Variants in RNASEL observed in about 807,000 individuals in gnomAD.
RNASEL encodes the protein ribonuclease L.
In RNASEL, 36 loss-of-function variants were observed where a neutral mutation model predicts 50.9. That is an observed-to-expected ratio of 0.71 (90% CI 0.54 to 0.93). RNASEL has a LOEUF of 0.93. Ranked by LOEUF, RNASEL falls within the 40% of genes least tolerant of loss-of-function variation. The pLI, the probability that RNASEL is intolerant of heterozygous loss-of-function variation, is 0.00. For missense variants in RNASEL, 860 were observed against 894.5 expected (o/e 0.96, Z 0.49); for synonymous variants, 335 against 335.6 (o/e 1.00, Z 0.02).
rs566890251 is a variant in RNASEL, at chr1:182,574,204, C to A, written c.*1188G>T. 1 of 224,634 alleles carries A rather than the reference C, an allele frequency of 4.5e-6. No individual in the cohort carries two copies. The highest frequency in any genetic ancestry group is 8.9e-6 in the Non-Finnish European group (1 of 112,898). 13.9% of individuals were successfully genotyped at this position (224,634 alleles called of 1,614,324 possible). A position where few individuals can be genotyped will look rare whatever the true frequency, so the allele number is the denominator to read the frequency against. On this transcript the variant is annotated 3_prime_UTR_variant, in exon 7 of 7. Coordinates refer to ENST00000367559, the MANE Select transcript of RNASEL (RefSeq NM_021133.4). ...TTCAATGAATATTTATTAAACATTC[C>A]CACTTGGCAGACTTTTTGCTTGGCA...
At chr1:182,588,405 A>C (rs1390470392) in intron 1 of RNASEL, among the ~76,000 whole-genome samples, 1 of 152,202 alleles carries the variant, frequency 6.6e-6, no homozygotes, top group African/African-American at 2.4e-5. Context: ...AGAGCTAATT[A>C]TATCCCGTTA....
Position 182,586,537 on chromosome 1 carries a change from C to T in RNASEL, c.270G>A (p.Lys90=), listed in dbSNP as rs533900576. ...CGAGGATAAAAGGCGTGGCCCCATT[C>T]TTCTTCCTCAGAACAGGGTCAGCAC... ...RHGADPVLRK[K]NGATPFILAA... The change falls in exon 2 of 7, where the codon AAG becomes AAA. Residue 90 remains lysine (K), a synonymous_variant. Coordinates refer to ENST00000367559, the MANE Select transcript of RNASEL (RefSeq NM_021133.4). The T allele has an allele frequency of 4.7e-5, 75 of 1,608,730 alleles. No individual in the cohort carries two copies. The South Asian group carries it at 7.2e-4, about 15-fold the overall frequency.
At chr1:182,587,307 T>C (rs920339321) in intron 1 of RNASEL, among the ~76,000 whole-genome samples, 1 of 152,104 alleles carries the variant, frequency 6.6e-6, no homozygotes, top group Non-Finnish European at 1.5e-5. Flanking sequence ...TTGTAAAACA[T>C]TTTTCATGAC....
At chr1:182,588,501 A>G (rs1558479330) in intron 1 of RNASEL, among the ~76,000 whole-genome samples, 1 of 152,206 alleles carries the variant, frequency 6.6e-6, no homozygotes, top group Non-Finnish European at 1.5e-5. Flanking sequence ...GCAGCTATCA[A>G]TTTCGTCCAA....
chr1:182,586,017 T>G lies in RNASEL; in HGVS notation c.790A>C (p.Ile264Leu), dbSNP rs751408144. 10 of 1,614,094 alleles carry G rather than the reference T, an allele frequency of 6.2e-6. No individual in the cohort carries two copies. The highest frequency in any genetic ancestry group is 8.5e-6 in the Non-Finnish European group (10 of 1,180,020). The change falls in exon 2 of 7, where the codon ATA becomes CTA. Residue 264 changes from isoleucine to leucine, a missense_variant. Transcript: ENST00000367559. ...TCACTGTCTGTGTCATTAATCTCTA[T>G]GTGCTCTTGCTCCAGAAGCCTCTGC... ...LVQRLLEQEH[I>L]EINDTDSDGK...
intron 1 of RNASEL, among the ~76,000 whole-genome samples, chr1:182,587,335 T>C (rs1661620062): frequency 6.6e-6 from 1 of 152,096 alleles, no homozygotes; most frequent in Non-Finnish European, 1.5e-5. Flanking sequence ...TATGAAATCA[T>C]ACAGTTGTTT....
chr1:182,577,275 C>A (rs947750853), intron 5 of RNASEL, among the ~76,000 whole-genome samples: 3 of 151,832 alleles, frequency 2.0e-5, no homozygotes, highest in Admixed American at 1.3e-4. Flanking sequence ...CTGTATTTTC[C>A]AAGTAAATTG....
Position 182,585,542 on chromosome 1 carries a change from CCATA to C in RNASEL, c.1261_1264del (p.Tyr421GlyfsTer71), listed in dbSNP as rs1291917583. 6.2e-7 allele frequency: 1 copy of C among 1,614,172 alleles called. No individual in the cohort carries two copies. The highest frequency in any genetic ancestry group is 1.7e-5 in the Admixed American group (1 of 60,020). ...CAAGTGGCCCCTGTGGCTCTCACTC[CCATA>C]GAATGTCACCAAGTGACTGTTCTCT... On this transcript the variant is annotated frameshift_variant, in exon 2 of 7. Transcript: ENST00000367559. LOFTEE classifies it high-confidence loss of function.
At chr1:182,579,547 C>G (rs1661452390) in intron 5 of RNASEL, 1 of 1,131,924 alleles carries the variant, frequency 8.8e-7, no homozygotes, top group South Asian at 1.9e-5. Context: ...AGTCAAGAAC[C>G]AATACAGTCA....
At position 182,579,966 on chromosome 1, in the gene RNASEL, TG is replaced by T. The variant is rs1446534660; in HGVS notation, c.1905+1258del. ...CCTGGTGCACCCCTTACTGGTTCTGTGTAGTTGGAAAAATTATTTGTCTGTG... is the reference window on the plus strand; with the variant it reads ...CCTGGTGCACCCCTTACTGGTTCTGTTAGTTGGAAAAATTATTTGTCTGTG... On this transcript the variant is annotated intron_variant, in intron 5 of 6. Coordinates refer to ENST00000367559, the MANE Select transcript of RNASEL (RefSeq NM_021133.4). The T allele has an allele frequency of 8.8e-6, 4 of 457,132 alleles. No homozygotes were observed. In the East Asian group the frequency reaches 2.8e-4, roughly 32 times the overall value. 28.3% of individuals were successfully genotyped at this position (457,132 alleles called of 1,614,324 possible). A position where few individuals can be genotyped will look rare whatever the true frequency, so the allele number is the denominator to read the frequency against.
At chr1:182,576,150 A>G in intron 6 of RNASEL, 106 bp downstream of exon 6, 1 of 1,199,566 alleles carries the variant, frequency 8.3e-7, no homozygotes, top group Non-Finnish European at 1.2e-6. Flanking sequence ...CTTTTCTTTC[A>G]TCAAAATAAA....
rs551605499 is a variant in RNASEL, at chr1:182,585,576, T to C, written c.1231A>G (p.Ser411Gly). The change falls in exon 2 of 7, where the codon AGC (serine) becomes GGC (glycine). Residue 411 changes from serine to glycine, a missense_variant. Physicochemically the swap from Ser to Gly is moderately conservative, Grantham distance 56 (BLOSUM62 0). Transcript: ENST00000367559. Reference protein sequence around the residue: ...AQREVSCLQSSRENSHLVTFY... With the variant: ...AQREVSCLQSGRENSHLVTFY... ...GTCACCAAGTGACTGTTCTCTCGGC[T>C]GCTTTGCAGACAAGAGACTTCCCGC... 1.2e-6 allele frequency: 2 copies of C among 1,614,220 alleles called. No individual in the cohort carries two copies. Among genetic ancestry groups the C allele is most frequent in the South Asian group, 2.2e-5 (2 of 91,084 alleles).
At chr1:182,580,722 G>T (rs1019557554) in intron 5 of RNASEL, among the ~76,000 whole-genome samples, 2 of 152,250 alleles carry the variant, frequency 1.3e-5, no homozygotes, top group Non-Finnish European at 2.9e-5. Context: ...TTCTTAAAGA[G>T]AGCAATTTGA....
intron 5 of RNASEL, chr1:182,579,745 T>C (rs1011551867): frequency 1.8e-4 from 216 of 1,174,038 alleles, no homozygotes; most frequent in Non-Finnish European, 2.3e-4. Context: ...ACCAATAAAT[T>C]GGGAAATAAA....
At chr1:182,581,984 A>T in intron 4 of RNASEL, 69 bp downstream of exon 4, 1 of 1,396,288 alleles carries the variant, frequency 7.2e-7, no homozygotes, top group Non-Finnish European at 1.0e-6. Flanking sequence ...TGCAGCCCAG[A>T]CTTCTGTCTG....
Position 182,586,839 on chromosome 1 carries a change from C to T in RNASEL, c.-33G>A. The T allele has an allele frequency of 6.2e-7, 1 of 1,613,276 alleles. No individual in the cohort carries two copies. Among genetic ancestry groups the T allele is most frequent in the Non-Finnish European group, 8.5e-7 (1 of 1,180,006 alleles). ...AATGCCACCTGCTACCACTTTTAGC[C>T]TTTTCCTTGAGAAAATGCAAATTTA... On this transcript the variant is annotated 5_prime_UTR_variant, in exon 2 of 7. Coordinates refer to ENST00000367559, the MANE Select transcript of RNASEL (RefSeq NM_021133.4).
rs1349598167 is a variant in RNASEL, at chr1:182,586,876, T to G, written c.-70A>C. 8 of 1,596,756 alleles carry G rather than the reference T, an allele frequency of 5.0e-6. No individual in the cohort carries two copies. Among genetic ancestry groups the G allele is most frequent in the Admixed American group, 5.0e-5 (3 of 59,984 alleles). On this transcript the variant is annotated 5_prime_UTR_variant, in exon 2 of 7. Coordinates refer to ENST00000367559, the MANE Select transcript of RNASEL (RefSeq NM_021133.4). ...AAAATGCAAATTTATCTCCTAGCAC[T>G]TAATCAAAGAAGCTTTGAGTGTAAA...
At position 182,585,927 on chromosome 1, in the gene RNASEL, T is replaced by C. The variant is rs143544690; in HGVS notation, c.880A>G (p.Lys294Glu). Residue 294 changes from lysine to glutamate, a missense_variant, in exon 2 of 7, where the codon AAA (lysine) becomes GAA (glutamate). Coordinates refer to ENST00000367559, the MANE Select transcript of RNASEL (RefSeq NM_021133.4). Reference protein sequence around the residue: ...KLKKIAELLCKRGASTDCGDL... With the variant: ...KLKKIAELLCERGASTDCGDL... ...CCACAATCTGTACTGGCTCCACGTT[T>C]GCACAGCAACTCGGCGATTTTCTTC... The C allele has an allele frequency of 2.3e-4, 379 of 1,614,172 alleles. No homozygotes were observed. In the African/African-American group the frequency reaches 4.1e-3, roughly 17 times the overall value.
intron 5 of RNASEL, among the ~76,000 whole-genome samples, chr1:182,580,921 G>T (rs1661481052): frequency 6.6e-6 from 1 of 151,852 alleles, no homozygotes; most frequent in Admixed American, 6.5e-5. Context: ...ATGGCAATAG[G>T]ATTATCAGCT....
Sources: gnomAD v4.1 joint callset for allele counts (sites outside exome capture counted in the v4.1 genomes callset) on GRCh38, gnomAD v4.1.1 for gene constraint, MANE v1.5 for transcripts, NCBI Gene and HGNC (gene_info 2026-07-23, HGNC 2026-07-21) for gene names.